The following CCND3 variants were observed in gnomAD, a reference collection of about 807,000 sequenced individuals.
CCND3 encodes cyclin D3.
Under a neutral mutation model 28.7 loss-of-function variants are expected in CCND3, and 9 were observed. That is an observed-to-expected ratio of 0.31 (90% confidence interval 0.19 to 0.55). The LOEUF (loss-of-function observed/expected upper bound fraction) is 0.55, where lower values mean the gene tolerates loss of function less well. Ranked by LOEUF, CCND3 falls within the 20% of genes least tolerant of loss-of-function variation. The pLI is 0.93. For missense variants in CCND3, 315 were observed against 385.8 expected (o/e 0.82, Z 1.54); for synonymous variants, 164 against 163.9 (o/e 1.00, Z 0.00).
In CCND3 at chr6:41,941,506, C is replaced by G. The variant is rs1316352055; in HGVS notation, c.144G>C (p.Val48=). The G allele has an allele frequency of 6.2e-7, 1 of 1,608,482 alleles. No homozygotes were observed. Among genetic ancestry groups the G allele is most frequent in the Non-Finnish European group, 8.5e-7 (1 of 1,178,852 alleles). The change falls in exon 1 of 5, where the codon GTG becomes GTC. Residue 48 remains valine (V), a synonymous_variant. Transcript: ENST00000372991. The surrounding 1 kb of genome is among the most constrained non-coding windows in gnomAD (Gnocchi z 6.1). ...GCATGTGCGGCTTGATCTCCCGCTG[C>G]ACGCACTGGAAGTAGGAGGCGCGGG... The part of the protein sequence containing the change: ...YVPRASYFQC[V]QREIKPHMRK...
At chr6:42,024,485 C>T (rs1006906648) in intron 1 of CCND3, among the ~76,000 whole-genome samples, 1 of 151,972 alleles carries the variant, frequency 6.6e-6, no homozygotes, top group African/African-American at 2.4e-5. Context: ...CCTCCAGTGA[C>T]ATGGAAGGAG....
chr6:41,957,996 TTATC>T (rs1475858123), intron 1 of CCND3, among the ~76,000 whole-genome samples: 15 of 55,324 alleles, frequency 2.7e-4, no homozygotes, highest in Non-Finnish European at 5.7e-4. Context: ...TACTTTATCT[TTATC>T]TTTTTTTTTT....
At chr6:42,002,188 G>A (rs1215492036) in intron 1 of CCND3, among the ~76,000 whole-genome samples, 1 of 148,858 alleles carries the variant, frequency 6.7e-6, no homozygotes, top group African/African-American at 2.5e-5. Context: ...GCTCACACCT[G>A]TAATCACAGC....
intron 1 of CCND3, among the ~76,000 whole-genome samples, chr6:41,956,715 T>C (rs1776444974): frequency 1.3e-5 from 2 of 152,112 alleles, no homozygotes; most frequent in South Asian, 4.1e-4. Flanking sequence ...GCCCTTAAGA[T>C]AGCCCTAATT....
rs1399962739 is a variant in CCND3, at chr6:42,016,773, CA to C, written c.-46+31727del. Among the ~76,000 whole-genome samples the C allele has an allele frequency of 2.0e-5, 3 of 151,804 alleles. No homozygotes were observed. In the East Asian group the frequency reaches 5.8e-4, roughly 30 times the overall value. Reference sequence around the variant, plus strand: ...CTAATTTTTGTATTTTTAGTAGAGACAGGGTTTTACCATGTTGGCTAGGCTG... The same window carrying C: ...CTAATTTTTGTATTTTTAGTAGAGACGGGTTTTACCATGTTGGCTAGGCTG... On this transcript the variant is annotated intron_variant, in intron 1 of 4. Transcript: ENST00000372988.
At chr6:41,983,489 GAGT>G (rs1762403270) in intron 1 of CCND3, among the ~76,000 whole-genome samples, 1 of 151,748 alleles carries the variant, frequency 6.6e-6, no homozygotes, top group African/African-American at 2.4e-5. Flanking sequence ...AACCATTTCT[GAGT>G]TATACTCTTA....
rs774370080 is a variant in CCND3 at position 41,936,501 on chromosome 6, C to A, written c.711+58G>T. The A allele has an allele frequency of 6.3e-7, 1 of 1,591,246 alleles. No individual in the cohort carries two copies. Among genetic ancestry groups the A allele is most frequent in the South Asian group, 1.1e-5 (1 of 89,306 alleles). ...TGGAGGTTTCCCTCTACTGGAGGCT[C>A]AGGGCATAGCACTACTTTATGAATG... On this transcript the variant is annotated intron_variant, in intron 4 of 4. Coordinates refer to ENST00000372991, the MANE Select transcript of CCND3 (RefSeq NM_001760.5). The surrounding 1 kb of genome is among the most constrained non-coding windows in gnomAD (Gnocchi z 4.4).
At chr6:42,045,907 G>C (rs1175426699) in intron 1 of CCND3, among the ~76,000 whole-genome samples, 1 of 152,212 alleles carries the variant, frequency 6.6e-6, no homozygotes, top group African/African-American at 2.4e-5. Flanking sequence ...AGGGGGCCAG[G>C]GCGTGCCAAG....
chr6:42,036,306 T>TTATATATATA lies in CCND3; in HGVS notation c.-46+12185_-46+12194dup, dbSNP rs566638387. Among the ~76,000 whole-genome samples the TTATATATATA allele has an allele frequency of 8.5e-3, 1,107 of 130,602 alleles. 20 individuals are homozygous for TTATATATATA. The highest frequency in any genetic ancestry group is 0.067 in the East Asian group (275 of 4,132). The allele number at this position is 130,602 out of a possible 152,430, so 85.7% of individuals were successfully genotyped here. On this transcript the variant is annotated intron_variant, in intron 1 of 4. Transcript: ENST00000372988. ...CCATGCCTGGCCTAAAAATTATTAT[T>TTATATATATA]TATATATATATATATATAAAATATA...
At chr6:41,940,959 G>C (rs746010901) in intron 1 of CCND3, 11 of 1,612,754 alleles carry the variant, frequency 6.8e-6, no homozygotes, top group Middle Eastern at 1.6e-4. Context: ...CACCCGAGGG[G>C]AAGGGAGGAG....
In CCND3 at chr6:41,941,467, A is replaced by T. The variant is rs1487384742; in HGVS notation, c.183T>A (p.Ala61=). Residue 61 remains alanine (A), a synonymous_variant, in exon 1 of 5, where the codon GCT becomes GCA. Coordinates refer to ENST00000372991, the MANE Select transcript of CCND3 (RefSeq NM_001760.5). This position sits in a 1 kb window ranked among gnomAD's most constrained non-coding sequence, Gnocchi z 6.1. ...EIKPHMRKML[A]YWMLEVCEEQ... Reference sequence around the variant, plus strand: ...CGGGCGGTACCTCCAGCATCCAGTAAGCCAGCATCTTCCGCATGTGCGGCT... The same window carrying T: ...CGGGCGGTACCTCCAGCATCCAGTATGCCAGCATCTTCCGCATGTGCGGCT... The T allele has an allele frequency of 6.2e-7, 1 of 1,608,274 alleles. No homozygotes were observed. Among genetic ancestry groups the T allele is most frequent in the Non-Finnish European group, 8.5e-7 (1 of 1,178,756 alleles).
intron 1 of CCND3, among the ~76,000 whole-genome samples, chr6:41,990,964 C>T (rs1046686413): frequency 2.0e-5 from 3 of 151,220 alleles, no homozygotes; most frequent in Admixed American, 1.3e-4. Flanking sequence ...TACAGGTGTG[C>T]GCCACTGCCC....
At chr6:42,014,833 T>C (rs1763452047) in intron 1 of CCND3, among the ~76,000 whole-genome samples, 1 of 152,216 alleles carries the variant, frequency 6.6e-6, no homozygotes, top group Admixed American at 6.5e-5. Context: ...TTCATTTTCA[T>C]TTTATTCATT....
At chr6:41,970,127 T>G (rs1414427794) in intron 1 of CCND3, among the ~76,000 whole-genome samples, 1 of 151,888 alleles carries the variant, frequency 6.6e-6, no homozygotes, top group Non-Finnish European at 1.5e-5. Flanking sequence ...GATCACGAGG[T>G]CAAGAGATTG....
chr6:42,031,811 C>T (rs1376639336), intron 1 of CCND3, among the ~76,000 whole-genome samples: 3 of 138,738 alleles, frequency 2.2e-5, no homozygotes, highest in Non-Finnish European at 4.5e-5. Context: ...TTGCAACTGA[C>T]TCTTTTTTTT....
rs534705207 is a variant in CCND3 at position 42,009,965 on chromosome 6, C to T, written c.-46+38536G>A. 3.3e-5 allele frequency among the ~76,000 whole-genome samples: 5 copies of T among 152,216 alleles called. No individual in the cohort carries two copies. The East Asian group carries it at 7.7e-4, about 24-fold the overall frequency. The stretch of plus-strand genomic sequence containing the variant: ...ATCAGAATCTCTCAGCAATCAGTGC[C>T]CTCCAAGCAATCAGCAAACAGGCCC... On this transcript the variant is annotated intron_variant, in intron 1 of 4. Coordinates refer to the CCND3 transcript ENST00000372988.
rs540532003 is a variant in CCND3, at chr6:41,948,843, C to T, written c.-45-8258G>A. Among the ~76,000 whole-genome samples, 816 of 140,942 alleles carry T rather than the reference C, an allele frequency of 5.8e-3. 5 individuals are homozygous for T. The highest frequency in any genetic ancestry group is 8.2e-3 in the Non-Finnish European group (545 of 66,392). The allele number at this position is 140,942 out of a possible 152,430, so 92.5% of individuals were successfully genotyped here. A position where few individuals can be genotyped will look rare whatever the true frequency, so the allele number is the denominator to read the frequency against. On this transcript the variant is annotated intron_variant, in intron 1 of 4. Coordinates refer to the CCND3 transcript ENST00000372988. Reference sequence around the variant, plus strand: ...CCTGGACTACAGAACGAGACTCCATCTCAAAAAAAAAAAAAAGAAAAAAAG... The same window carrying T: ...CCTGGACTACAGAACGAGACTCCATTTCAAAAAAAAAAAAAAGAAAAAAAG...
At chr6:41,955,398 T>C (rs1195451875) in intron 1 of CCND3, among the ~76,000 whole-genome samples, 1 of 151,840 alleles carries the variant, frequency 6.6e-6, no homozygotes, top group Non-Finnish European at 1.5e-5. Context: ...TTTATTATTT[T>C]GAAAAAAAAC....
chr6:41,950,677 C>T (rs766107036), intron 1 of CCND3, among the ~76,000 whole-genome samples: 1 of 151,530 alleles, frequency 6.6e-6, no homozygotes, highest in Non-Finnish European at 1.5e-5. Context: ...ACATGCTGGA[C>T]ATGGGTCAGA....
Sources: gnomAD v4.1 joint callset for allele counts (sites outside exome capture counted in the v4.1 genomes callset) on GRCh38, gnomAD v4.1.1 for gene constraint, Gnocchi (gnomAD v3.1) non-coding constraint, MANE v1.5 for transcripts, NCBI Gene and HGNC (gene_info 2026-07-23, HGNC 2026-07-21) for gene names.